Variants in F13A1 observed in about 807,000 individuals in gnomAD.
F13A1 encodes FSF, A subunit.
F13A1 carries 47 observed loss-of-function variants against 80.1 expected under a neutral mutation model. The observed-to-expected ratio is 0.59, with a 90% CI of 0.46 to 0.75. F13A1 has a LOEUF of 0.75. Among genes scored for constraint, F13A1 ranks in the 30% least tolerant of loss-of-function variants. The probability of loss-of-function intolerance (pLI) is 0.00; values close to 1 mark genes in which losing one functional copy is unlikely to be tolerated. For synonymous variants in F13A1, 349 were observed against 344.9 expected, an observed-to-expected ratio of 1.01 and a Z score of -0.13; for missense variants, 817 against 930.4, an observed-to-expected ratio of 0.88 and a Z score of 1.59.
chr6:6,318,995 A>G (rs891614099), intron 1 of F13A1, among the ~76,000 whole-genome samples: 10 of 152,234 alleles, frequency 6.6e-5, no homozygotes, highest in African/African-American at 1.7e-4. Context: ...CCCACCCTCC[A>G]TAATCCTACA....
At chr6:6,191,509 C>T (rs1363431963) in intron 10 of F13A1, among the ~76,000 whole-genome samples, 1 of 152,212 alleles carries the variant, frequency 6.6e-6, no homozygotes, top group Non-Finnish European at 1.5e-5. Flanking sequence ...ATAGTAGCCT[C>T]TACCATTGGT....
Position 6,248,327 on chromosome 6 carries a change from A to T in F13A1, c.783T>A (p.Arg261=). The change falls in exon 6 of 15, where the codon CGT becomes CGA. Residue 261 remains arginine (R), a synonymous_variant. Coordinates refer to ENST00000264870, the MANE Select transcript of F13A1 (RefSeq NM_000129.4). ...SGRGNPIKVS[R]VGSAMVNAKD... ...TGCTGCTTACCATTGCAGACCCCAC[A>T]CGGCTGACTTTGATGGGATTCCCTC... 1.2e-6 allele frequency: 2 copies of T among 1,613,818 alleles called. No homozygotes were observed. The highest frequency in any genetic ancestry group is 4.5e-5 in the East Asian group (2 of 44,864).
intron 13 of F13A1, among the ~76,000 whole-genome samples, chr6:6,152,736 C>G (rs1245653795): frequency 6.6e-6 from 1 of 152,302 alleles, no homozygotes; most frequent in South Asian, 2.1e-4. Context: ...TATTACTATA[C>G]CTTAAGCTGT....
intron 8 of F13A1, among the ~76,000 whole-genome samples, chr6:6,200,848 C>T (rs1195773340): frequency 1.3e-5 from 2 of 152,090 alleles, no homozygotes; most frequent in Non-Finnish European, 2.9e-5. Context: ...GTGTGGAGGT[C>T]TCTGAGCAGG....
At chr6:6,281,490 G>C (rs1758064119) in intron 3 of F13A1, among the ~76,000 whole-genome samples, 1 of 152,166 alleles carries the variant, frequency 6.6e-6, no homozygotes, top group Non-Finnish European at 1.5e-5. Context: ...CTCCCTAAGG[G>C]ACGACACTAG....
At chr6:6,195,206 C>T (rs1761268049) in intron 10 of F13A1, among the ~76,000 whole-genome samples, 1 of 152,238 alleles carries the variant, frequency 6.6e-6, no homozygotes, top group African/African-American at 2.4e-5. Flanking sequence ...ATGGCAGAGC[C>T]TTTGCCCAGG....
intron 9 of F13A1, among the ~76,000 whole-genome samples, chr6:6,196,430 A>G (rs1761292655): frequency 6.6e-6 from 1 of 152,204 alleles, no homozygotes; most frequent in Non-Finnish European, 1.5e-5. Flanking sequence ...TATAGTTAAT[A>G]AGAGATTAGC....
At chr6:6,308,848 T>C (rs1053137051) in intron 2 of F13A1, among the ~76,000 whole-genome samples, 3 of 150,000 alleles carry the variant, frequency 2.0e-5, no homozygotes, top group Middle Eastern at 3.2e-3. Context: ...GGTCTTGAAC[T>C]CCTGACCTCA....
intron 6 of F13A1, among the ~76,000 whole-genome samples, chr6:6,247,492 A>C (rs967945240): frequency 2.0e-5 from 3 of 152,148 alleles, no homozygotes; most frequent in African/African-American, 7.2e-5. Flanking sequence ...TGTTGGGTAC[A>C]TTGATATAAT....
chr6:6,261,394 G>T (rs917490505), intron 4 of F13A1, among the ~76,000 whole-genome samples: 4 of 152,134 alleles, frequency 2.6e-5, no homozygotes, highest in African/African-American at 9.7e-5. Flanking sequence ...AGCTGGGACC[G>T]CAGGCTGCTC....
chr6:6,253,888 A>C lies in F13A1; in HGVS notation c.572-2959T>G, dbSNP rs148814848. Among the ~76,000 whole-genome samples, 1,498 of 152,320 alleles carry C rather than the reference A, an allele frequency of 9.8e-3. 24 individuals are homozygous for C. Among genetic ancestry groups the C allele is most frequent in the African/African-American group, 0.034 (1,422 of 41,566 alleles). ...AGCTGGTTATCTATGTAAGAAAAAA[A>C]GTGTCAGTAAGATCTCTTTATCCTA... is the stretch of plus-strand genomic sequence containing the variant. On this transcript the variant is annotated intron_variant, in intron 4 of 14. Transcript: ENST00000264870.
intron 13 of F13A1, among the ~76,000 whole-genome samples, chr6:6,158,827 C>T (rs1162759538): frequency 6.6e-6 from 1 of 152,088 alleles, no homozygotes; most frequent in African/African-American, 2.4e-5. Flanking sequence ...AGTTAAGTCT[C>T]ACAGTGTAGC....
chr6:6,165,107 G>C (rs1367110271), intron 13 of F13A1, among the ~76,000 whole-genome samples: 1 of 152,130 alleles, frequency 6.6e-6, no homozygotes, highest in Non-Finnish European at 1.5e-5. Flanking sequence ...AACAAACTTG[G>C]CATGGACAGA....
At chr6:6,182,444 C>G (rs1761005061) in intron 10 of F13A1, among the ~76,000 whole-genome samples, 2 of 152,190 alleles carry the variant, frequency 1.3e-5, no homozygotes, top group South Asian at 2.1e-4. Context: ...GGAGAGAAGA[C>G]AATGCCATGC....
At position 6,305,340 on chromosome 6, in the gene F13A1, A is replaced by G. The variant is rs1394724342; in HGVS notation, c.319+11T>C. 4 of 1,614,040 alleles carry G rather than the reference A, an allele frequency of 2.5e-6. No individual in the cohort carries two copies. The highest frequency in any genetic ancestry group is 1.7e-6 in the Non-Finnish European group (2 of 1,180,010). On this transcript the variant is annotated intron_variant, in intron 3 of 14. Transcript: ENST00000264870. ...ATGGTGTCAAGACTGGAGCTTGCAC[A>G]TGGCACTCACCAATGACGTATTCCA...
At chr6:6,223,364 G>A (rs1009878940) in intron 7 of F13A1, among the ~76,000 whole-genome samples, 1 of 152,214 alleles carries the variant, frequency 6.6e-6, no homozygotes, top group African/African-American at 2.4e-5. Context: ...TAGTGAAATT[G>A]TAGGCATGGG....
At chr6:6,303,757 T>C (rs1005365507) in intron 3 of F13A1, among the ~76,000 whole-genome samples, 4 of 152,198 alleles carry the variant, frequency 2.6e-5, no homozygotes, top group African/African-American at 4.8e-5. Context: ...TCTCATGTTT[T>C]TTATTAAGAT....
intron 8 of F13A1, among the ~76,000 whole-genome samples, chr6:6,211,607 T>A (rs142915830): frequency 2.0e-5 from 3 of 152,332 alleles, no homozygotes; most frequent in Non-Finnish European, 2.9e-5. Context: ...AATATAAAAG[T>A]CCAACTAGAT....
At chr6:6,286,621 T>C (rs1993553) in intron 3 of F13A1, among the ~76,000 whole-genome samples, 32,049 of 152,200 alleles carry the variant, frequency 0.21, 3,684 homozygotes, top group Admixed American at 0.31. Context: ...ACTTTGGTGC[T>C]GTGGGACTCC....
Sources: gnomAD v4.1 joint callset for allele counts (sites outside exome capture counted in the v4.1 genomes callset) on GRCh38, gnomAD v4.1.1 for gene constraint, MANE v1.5 for transcripts, NCBI Gene and HGNC (gene_info 2026-07-23, HGNC 2026-07-21) for gene names.